TKT: variants seen among roughly 807,000 people sequenced by gnomAD.
TKT encodes epididymis luminal protein 107.
A neutral mutation model predicts 63.9 loss-of-function variants in TKT; 47 were observed. The ratio of observed to expected loss-of-function variants is 0.74; its 90% confidence interval spans 0.58 to 0.94. TKT has a LOEUF of 0.94. Among genes scored for constraint, TKT ranks in the 40% least tolerant of loss-of-function variants. The pLI is 0.00. For synonymous variants in TKT, 338 were observed against 334.1 expected, an observed-to-expected ratio of 1.01 and a Z score of -0.13; for missense variants, 721 against 846.2, an observed-to-expected ratio of 0.85 and a Z score of 1.84.
At chr3:53,241,678 C>T (rs1407959052) in intron 2 of TKT, among the ~76,000 whole-genome samples, 3 of 152,164 alleles carry the variant, frequency 2.0e-5, no homozygotes, top group East Asian at 3.9e-4. Flanking sequence ...AGGGGGGGGT[C>T]AGGGGGTCCC....
chr3:53,226,680 G>C (rs1704509916), intron 13 of TKT, 76 bp downstream of exon 13: 1 of 1,604,532 alleles, frequency 6.2e-7, no homozygotes, highest in South Asian at 1.1e-5. Context: ...CTGGGGCTCA[G>C]ATAGAAGAGG....
At chr3:53,251,627 G>A (rs370967951) in intron 1 of TKT, among the ~76,000 whole-genome samples, 1 of 152,172 alleles carries the variant, frequency 6.6e-6, no homozygotes, top group East Asian at 1.9e-4. Flanking sequence ...AACGAGCCTG[G>A]GTCCTCACAG....
intron 4 of TKT, 110 bp from the exon 5 acceptor site, chr3:53,235,284 T>G: frequency 9.8e-7 from 1 of 1,016,702 alleles, no homozygotes; most frequent in South Asian, 1.8e-5. Flanking sequence ...CAGCCACGCA[T>G]GGATATGCAG....
chr3:53,240,656 A>C (rs1444844253), intron 3 of TKT, among the ~76,000 whole-genome samples: 1 of 152,220 alleles, frequency 6.6e-6, no homozygotes, highest in Non-Finnish European at 1.5e-5. Context: ...TCATGAAAAA[A>C]TTGACAGAAC....
At chr3:53,252,997 G>A (rs1559662043) in intron 1 of TKT, among the ~76,000 whole-genome samples, 1 of 151,892 alleles carries the variant, frequency 6.6e-6, no homozygotes, top group Non-Finnish European at 1.5e-5. Context: ...CCGCCACCAC[G>A]TCCAGCTAAT....
intron 1 of TKT, 29 bp from the exon 2 acceptor site, chr3:53,242,271 G>C (rs367817081): frequency 2.5e-6 from 4 of 1,601,668 alleles, no homozygotes; most frequent in Non-Finnish European, 3.4e-6. Context: ...GACAGACACA[G>C]GCATCATGGC....
intron 8 of TKT, 30 bp from the exon 9 acceptor site, chr3:53,229,466 A>G: frequency 6.3e-7 from 1 of 1,585,274 alleles, no homozygotes; most frequent in African/African-American, 1.3e-5. Context: ...GGTCAGCCCA[A>G]AGGGGCAGGC....
chr3:53,247,992 C>A (rs1705590095), intron 1 of TKT, among the ~76,000 whole-genome samples: 1 of 152,286 alleles, frequency 6.6e-6, no homozygotes, highest in East Asian at 1.9e-4. Flanking sequence ...TAGTACCAGG[C>A]ACAAACTGAG....
At chr3:53,250,468 C>T (rs1284450015) in intron 1 of TKT, among the ~76,000 whole-genome samples, 1 of 152,220 alleles carries the variant, frequency 6.6e-6, no homozygotes, top group Admixed American at 6.5e-5. Context: ...AGTTTGAAAC[C>T]ACCTATCCAT....
At chr3:53,240,988 G>T in intron 3 of TKT, 144 bp downstream of exon 3, 1 of 677,110 alleles carries the variant, frequency 1.5e-6, no homozygotes, top group Non-Finnish European at 2.3e-6. Flanking sequence ...CAAAACACCT[G>T]CTTCTTTCCT....
chr3:53,232,515 C>T (rs735940), intron 6 of TKT: 66,873 of 398,642 alleles, frequency 0.17, 5,899 homozygotes, highest in Non-Finnish European at 0.19. Context: ...CCTCTGTCCC[C>T]GGGCAAGTCC....
rs782731865 is a variant in TKT at position 53,242,246 on chromosome 3, T to C, written c.108-4A>G. On this transcript the variant is annotated splice_region_variant and splice_polypyrimidine_tract_variant and intron_variant, in intron 1 of 13. Transcript: ENST00000462138. ...GCTGCAGCATGACGTGGGGTGGCTG[T>C]GGCCCAGGAGAGAAGACAGACACAG... 6.2e-7 allele frequency: 1 copy of C among 1,613,732 alleles called. No individual in the cohort carries two copies. The highest frequency in any genetic ancestry group is 8.5e-7 in the Non-Finnish European group (1 of 1,179,880).
intron 1 of TKT, among the ~76,000 whole-genome samples, chr3:53,249,649 C>T (rs1164336566): frequency 6.6e-6 from 1 of 152,172 alleles, no homozygotes; most frequent in African/African-American, 2.4e-5. Context: ...TGGGCGTCCA[C>T]ACTTCCCTTC....
At chr3:53,233,075 C>G in intron 6 of TKT, 81 bp downstream of exon 6, 1 of 1,238,850 alleles carries the variant, frequency 8.1e-7, no homozygotes, top group Non-Finnish European at 1.2e-6. Context: ...GGCTGTTTCC[C>G]TGGATGTGCG....
At chr3:53,247,716 C>T (rs1486842174) in intron 1 of TKT, among the ~76,000 whole-genome samples, 2 of 151,482 alleles carry the variant, frequency 1.3e-5, no homozygotes, top group African/African-American at 4.9e-5. Context: ...GCAGTTCTTG[C>T]TCTTCCTGTG....
At chr3:53,233,354 T>G in intron 5 of TKT, 80 bp from the exon 6 acceptor site, 3 of 1,211,868 alleles carry the variant, frequency 2.5e-6, no homozygotes, top group Non-Finnish European at 3.4e-6. Flanking sequence ...AGGTCTGCCT[T>G]GGCAGCTGGG....
chr3:53,232,131 C>T, intron 6 of TKT: 1 of 387,170 alleles, frequency 2.6e-6, no homozygotes, highest in Admixed American at 4.4e-5. Flanking sequence ...GAGGTCACCT[C>T]AGTAGTCACT....
rs1553680034 is a variant in TKT at position 53,242,152 on chromosome 3, C to A, written c.198G>T (p.Pro66=). 1 of 1,614,022 alleles carries A rather than the reference C, an allele frequency of 6.2e-7. No individual in the cohort carries two copies. Among genetic ancestry groups the A allele is most frequent in the Non-Finnish European group, 8.5e-7 (1 of 1,179,980 alleles). Residue 66 remains proline (P), a synonymous_variant, in exon 2 of 14, where the codon CCG becomes CCT. Coordinates refer to ENST00000462138, the MANE Select transcript of TKT (RefSeq NM_001064.4). ...MRYKSQDPRN[P]HNDRFVLSKG... ...TGGAGAGCACAAAGCGGTCATTGTG[C>A]GGATTCCGGGGGTCCTGGGACTTGT... is the stretch of plus-strand genomic sequence containing the variant.
intron 1 of TKT, among the ~76,000 whole-genome samples, chr3:53,254,786 C>T (rs1265691655): frequency 6.6e-6 from 1 of 152,214 alleles, no homozygotes; most frequent in East Asian, 1.9e-4. Flanking sequence ...TGACTGACCC[C>T]CTCACCCACC....
Sources: gnomAD v4.1 joint callset for allele counts (sites outside exome capture counted in the v4.1 genomes callset) on GRCh38, gnomAD v4.1.1 for gene constraint, MANE v1.5 for transcripts, NCBI Gene and HGNC (gene_info 2026-07-23, HGNC 2026-07-21) for gene names.